GET1: variants seen among roughly 807,000 people sequenced by gnomAD.
GET1 encodes congenital heart disease 5 protein.
GET1 carries 20 observed loss-of-function variants against 22.6 expected under a neutral mutation model. That is an observed-to-expected ratio of 0.89 (90% CI 0.62 to 1.29). GET1 has a LOEUF of 1.29. GET1 is among the 50% of genes most tolerant of loss of function. The pLI, the probability that GET1 is intolerant of heterozygous loss-of-function variation, is 0.00. For synonymous variants in GET1, 92 were observed against 83.8 expected, an observed-to-expected ratio of 1.10 and a Z score of -0.53; for missense variants, 209 against 219.9, an observed-to-expected ratio of 0.95 and a Z score of 0.31.
chr21:39,382,791 A>G (rs2037633555), intron 1 of GET1, among the ~76,000 whole-genome samples: 1 of 152,160 alleles, frequency 6.6e-6, no homozygotes, highest in African/African-American at 2.4e-5. Flanking sequence ...TCCTGAATCT[A>G]TGGTAATTCT....
downstream of GET1, chr21:39,410,305 G>A (rs772194183): frequency 5.6e-6 from 9 of 1,610,452 alleles, no homozygotes; most frequent in Admixed American, 6.7e-5. Flanking sequence ...TGGGTTCCCT[G>A]GTGTCTCATA....
At chr21:39,409,859 G>A, downstream of GET1, 1 of 616,036 alleles carries the variant, frequency 1.6e-6, no homozygotes, top group South Asian at 2.1e-5. The surrounding 1 kb of genome is among the most constrained non-coding windows in gnomAD (Gnocchi z 4.2). Flanking sequence ...CTCCCAAAGT[G>A]CTGGGATTAC....
chr21:39,407,627 G>A (rs2039313478), downstream of GET1, among the ~76,000 whole-genome samples: 1 of 152,106 alleles, frequency 6.6e-6, no homozygotes, highest in South Asian at 2.1e-4. Flanking sequence ...ACAATGAGCT[G>A]GATCCATGTG....
chr21:39,397,023 TAAGAAAC>T lies in GET1; in HGVS notation c.*87_*93del, dbSNP rs2038701860. 1.0e-5 allele frequency: 15 copies of T among 1,486,806 alleles called. No individual in the cohort carries two copies. The highest frequency in any genetic ancestry group is 1.3e-5 in the Non-Finnish European group (14 of 1,078,524). 92.1% of individuals were successfully genotyped at this position (1,486,806 alleles called of 1,614,324 possible). ...ATCTGATTTACACTGTTTTGTTTTT[TAAGAAAC>T]AAAAGTGCATAGTTTAGATTTTTTT... On this transcript the variant is annotated 3_prime_UTR_variant, in exon 5 of 5. Coordinates refer to ENST00000649170, the MANE Select transcript of GET1 (RefSeq NM_004627.6).
rs570446487 is a variant in GET1 at position 39,380,332 on chromosome 21, G to A, written c.-53G>A. 3.6e-5 allele frequency: 56 copies of A among 1,552,172 alleles called. No individual in the cohort carries two copies. In the African/African-American group the frequency reaches 6.8e-4, roughly 19 times the overall value. On this transcript the variant is annotated 5_prime_UTR_variant, in exon 1 of 5. It adds an upstream start codon to the 5' untranslated region. Coordinates refer to ENST00000649170, the MANE Select transcript of GET1 (RefSeq NM_004627.6). ...CGCAGGCGCGGTCGCCGCTGTTGTTGTGGTCCCCATGGAGCTGCCGTAGCG... is the reference window on the plus strand; with the variant it reads ...CGCAGGCGCGGTCGCCGCTGTTGTTATGGTCCCCATGGAGCTGCCGTAGCG...
chr21:39,412,604 A>G (rs1160921677), intron 1 of GET1, among the ~76,000 whole-genome samples: 1 of 151,552 alleles, frequency 6.6e-6, no homozygotes, highest in African/African-American at 2.4e-5. Context: ...GCATGTGCAC[A>G]CACACACACA....
At chr21:39,395,399 C>G (rs1413363029) in intron 4 of GET1, among the ~76,000 whole-genome samples, 2 of 150,994 alleles carry the variant, frequency 1.3e-5, no homozygotes, top group South Asian at 2.1e-4. Context: ...GAGTCTCACT[C>G]TGTCGCCCAG....
At chr21:39,400,813 C>T (rs1432160829), downstream of GET1, among the ~76,000 whole-genome samples, 1 of 152,026 alleles carries the variant, frequency 6.6e-6, no homozygotes, top group African/African-American at 2.4e-5. Context: ...TCATAAATAG[C>T]ATGAATATTG....
At chr21:39,409,119 G>C (rs746037577), downstream of GET1, among the ~76,000 whole-genome samples, 2 of 152,100 alleles carry the variant, frequency 1.3e-5, no homozygotes, top group African/African-American at 4.8e-5. The surrounding 1 kb of genome is among the most constrained non-coding windows in gnomAD (Gnocchi z 4.2). Flanking sequence ...CCTTCATGAC[G>C]GAATTAGTGT....
At position 39,412,699 on chromosome 21, in the gene GET1, G is replaced by A. The variant is rs148514011; in HGVS notation, c.*23+1762G>A. On this transcript the variant is annotated intron_variant, in intron 1 of 1. Coordinates refer to the GET1 transcript ENST00000478273. ...ATCTATGGGCCAAGGGATATTCAGG[G>A]GGTGAGAAACATCTCTGAGGTTTGG... Among the ~76,000 whole-genome samples the A allele has an allele frequency of 5.2e-3, 787 of 152,284 alleles. 10 individuals are homozygous for A. Among genetic ancestry groups the A allele is most frequent in the African/African-American group, 0.018 (736 of 41,558 alleles).
At position 39,385,901 on chromosome 21, in the gene GET1, C is replaced by T. The variant is rs76501049; in HGVS notation, c.103-4797C>T. On this transcript the variant is annotated intron_variant, in intron 1 of 4. Coordinates refer to ENST00000649170, the MANE Select transcript of GET1 (RefSeq NM_004627.6). ...GCGCGGGCTCAGAGTCTATGCAAAC[C>T]GCATACACTGTGCAGGCGCCCTAGG... Among the ~76,000 whole-genome samples the T allele has an allele frequency of 3.0e-3, 461 of 152,036 alleles. 7 individuals are homozygous for T. In the East Asian group the frequency reaches 0.037, roughly 12 times the overall value.
chr21:39,421,790 A>C (rs2073811373), intron 1 of GET1: 1 of 152,164 alleles, frequency 6.6e-6, no homozygotes, highest in Non-Finnish European at 1.5e-5. Context: ...TAAAGAAATA[A>C]CATGTTTTGG....
At position 39,428,396 on chromosome 21, in the gene GET1, G is replaced by A. The variant is rs748953881; in HGVS notation, c.*188G>A. 7.4e-6 allele frequency: 12 copies of A among 1,612,812 alleles called. No individual in the cohort carries two copies. The South Asian group carries it at 1.3e-4, about 18-fold the overall frequency. ...GTTCCGTGAAAAATCGCCTGTGCCT[G>A]GGCTTCTCTTGCATGCTGCAGACCT... On this transcript the variant is annotated 3_prime_UTR_variant, in exon 2 of 2. Transcript: ENST00000478273.
At chr21:39,398,348 G>T (rs1336054835), downstream of GET1, among the ~76,000 whole-genome samples, 3 of 152,200 alleles carry the variant, frequency 2.0e-5, no homozygotes, top group African/African-American at 7.2e-5. Context: ...AGTCAACAGT[G>T]CACCGGCCAT....
At chr21:39,427,943 G>C (rs1034243568) in intron 1 of GET1, 3 of 345,822 alleles carry the variant, frequency 8.7e-6, no homozygotes, top group Non-Finnish European at 1.6e-5. Flanking sequence ...GGCTCCAGTA[G>C]GGTAAGCCAT....
intron 1 of GET1, chr21:39,386,431 T>G (rs1406957494): frequency 2.6e-5 from 4 of 152,292 alleles, no homozygotes; most frequent in Non-Finnish European, 5.9e-5. Context: ...GGGCAGGGCC[T>G]CCAGTGGGGC....
downstream of GET1, among the ~76,000 whole-genome samples, chr21:39,399,603 C>T (rs923246615): frequency 6.6e-6 from 1 of 151,934 alleles, no homozygotes; most frequent in Non-Finnish European, 1.5e-5. Context: ...CACCATGACG[C>T]CTATTTTTTG....
At chr21:39,380,646 G>A in intron 1 of GET1, 160 bp downstream of exon 1, 1 of 1,433,552 alleles carries the variant, frequency 7.0e-7, no homozygotes, top group Non-Finnish European at 9.1e-7. Flanking sequence ...GCGTCTAAAA[G>A]GTACGACGCT....
At chr21:39,401,234 A>T (rs2038831072), downstream of GET1, among the ~76,000 whole-genome samples, 2 of 152,066 alleles carry the variant, frequency 1.3e-5, no homozygotes, top group African/African-American at 4.8e-5. Flanking sequence ...ATTTTTGTAG[A>T]GACGGGGTCT....
Sources: gnomAD v4.1 joint callset for allele counts (sites outside exome capture counted in the v4.1 genomes callset) on GRCh38, gnomAD v4.1.1 for gene constraint, Gnocchi (gnomAD v3.1) non-coding constraint, MANE v1.5 for transcripts, NCBI Gene and HGNC (gene_info 2026-07-23, HGNC 2026-07-21) for gene names.